GPR171: variants seen among roughly 807,000 people sequenced by gnomAD.
The protein encoded by GPR171 is F730001G15Rik.
GPR171 carries 14 observed loss-of-function variants against 16.7 expected under a neutral mutation model. The ratio of observed to expected loss-of-function variants is 0.84; its 90% CI spans 0.55 to 1.31. The LOEUF is 1.31. GPR171 is among the 40% of genes most tolerant of loss of function. The pLI is 0.00. For synonymous variants in GPR171, 134 were observed against 135.6 expected (o/e 0.99, Z 0.08); for missense variants, 337 against 378.9 (o/e 0.89, Z 0.92).
Position 151,198,983 on chromosome 3 carries a change from G to T in GPR171, c.404C>A (p.Ser135Ter). The change falls in exon 3 of 3, where the codon TCA (serine) becomes TAA (stop). Residue 135 changes from serine (S) to a stop codon, truncating the protein, a stop_gained. Transcript: ENST00000309180. LOFTEE classifies it high-confidence loss of function. ...IQEPGFAKMI[S>*]TVVWLMVLLI... ...AAGGACCATTAGCCACACAACGGTTGATATCATTTTGGCAAATCCGGGTTC... is the reference window on the plus strand; with the variant it reads ...AAGGACCATTAGCCACACAACGGTTTATATCATTTTGGCAAATCCGGGTTC... 6.2e-7 allele frequency: 1 copy of T among 1,613,940 alleles called. No homozygotes were observed. The highest frequency in any genetic ancestry group is 1.1e-5 in the South Asian group (1 of 91,072).
In GPR171 at chr3:151,198,571, G is replaced by T; in HGVS notation, c.816C>A (p.Leu272=). The change falls in exon 3 of 3, where the codon CTC becomes CTA. Residue 272 remains leucine (L), a synonymous_variant. Transcript: ENST00000309180. ...SLFKAKEATL[L]LAVSNLCFDP... ...CAAAGCACAGGTTCGACACAGCCAG[G>T]AGCAGTGTAGCCTCTTTGGCTTTGA... The T allele has an allele frequency of 6.2e-7, 1 of 1,613,882 alleles. No individual in the cohort carries two copies. Among genetic ancestry groups the T allele is most frequent in the Non-Finnish European group, 8.5e-7 (1 of 1,179,808 alleles).
At chr3:151,199,544 T>A in intron 2 of GPR171, 105 bp from the exon 3 acceptor site, 1 of 637,664 alleles carries the variant, frequency 1.6e-6, no homozygotes, top group African/African-American at 1.8e-5. Flanking sequence ...GTTCTTAGAA[T>A]TTTATTGGTG....
chr3:151,198,882 T>C lies in GPR171; in HGVS notation c.505A>G (p.Lys169Glu). ...TGCCAATTTCTTCCAAATTCCTTTT[T>C]AAACTCCATACAACCCACATTTGAC... ...EKSNVGCMEF[K>E]KEFGRNWHLL... Residue 169 changes from lysine (K) to glutamate (E), a missense_variant, in exon 3 of 3, where the codon AAA becomes GAA. Transcript: ENST00000309180. The C allele has an allele frequency of 6.2e-7, 1 of 1,614,176 alleles. No individual in the cohort carries two copies. The highest frequency in any genetic ancestry group is 1.1e-5 in the South Asian group (1 of 91,090).
In GPR171 at chr3:151,198,189, AT is replaced by A; in HGVS notation, c.*237del. The A allele has an allele frequency of 2.8e-6, 1 of 363,474 alleles. No homozygotes were observed. Among genetic ancestry groups the A allele is most frequent in the Admixed American group, 4.2e-5 (1 of 23,862 alleles). The allele number at this position is 363,474 out of a possible 1,614,324, so 22.5% of individuals were successfully genotyped here. ...TATTGCAGGATTTTACATTCGTTCAATGAGACTCTTTAGTTTTTTGTACAAA... is the reference window on the plus strand; with the variant it reads ...TATTGCAGGATTTTACATTCGTTCAAGAGACTCTTTAGTTTTTTGTACAAA... On this transcript the variant is annotated 3_prime_UTR_variant, in exon 3 of 3. Coordinates refer to ENST00000309180, the MANE Select transcript of GPR171 (RefSeq NM_013308.4).
At chr3:151,201,536 T>C (rs1181799139) in intron 1 of GPR171, among the ~76,000 whole-genome samples, 1 of 152,222 alleles carries the variant, frequency 6.6e-6, no homozygotes, top group Admixed American at 6.5e-5. Flanking sequence ...GGCACTGGTG[T>C]GTTCCTCAAG....
chr3:151,200,064 A>G (rs1183125995), intron 2 of GPR171, among the ~76,000 whole-genome samples: 2 of 152,206 alleles, frequency 1.3e-5, no homozygotes, highest in East Asian at 3.8e-4. Context: ...AGATTTATTT[A>G]TATTAGTATC....
At position 151,198,651 on chromosome 3, in the gene GPR171, A is replaced by G. The variant is rs965110168; in HGVS notation, c.736T>C (p.Tyr246His). Residue 246 changes from tyrosine to histidine, a missense_variant, in exon 3 of 3, where the codon TAT (tyrosine) becomes CAT (histidine). Transcript: ENST00000309180. ...FVPYHIVRIP[Y>H]TLSQTEVITD... is the part of the protein sequence containing the mutation. ...ATGACTTCTGTCTGGCTGAGGGTAT[A>G]CGGGATTCGGACAATGTGGTAAGGA... 1.2e-6 allele frequency: 2 copies of G among 1,614,114 alleles called. No homozygotes were observed. Among genetic ancestry groups the G allele is most frequent in the East Asian group, 2.2e-5 (1 of 44,878 alleles).
At chr3:151,202,594 C>T (rs907774572) in intron 1 of GPR171, among the ~76,000 whole-genome samples, 8 of 152,146 alleles carry the variant, frequency 5.3e-5, no homozygotes, top group East Asian at 1.9e-4. Context: ...TGTTTGAACC[C>T]GGGATGTGGA....
rs753441734 is a variant in GPR171, at chr3:151,199,395, A to G, written c.-9T>C. On this transcript the variant is annotated 5_prime_UTR_variant, in exon 3 of 3. Transcript: ENST00000309180. Reference sequence around the variant, plus strand: ...AACGAACTGTTTGTCATCTTGAGGGAAAGTAAGGATGACTGCTTATTGAAA... The same window carrying G: ...AACGAACTGTTTGTCATCTTGAGGGGAAGTAAGGATGACTGCTTATTGAAA... 1.9e-5 allele frequency: 30 copies of G among 1,593,394 alleles called. No homozygotes were observed. Among genetic ancestry groups the G allele is most frequent in the Non-Finnish European group, 2.5e-5 (29 of 1,171,872 alleles).
At chr3:151,202,936 A>G (rs1202006566) in intron 1 of GPR171, among the ~76,000 whole-genome samples, 168 bp downstream of exon 1, 1 of 152,204 alleles carries the variant, frequency 6.6e-6, no homozygotes, top group Non-Finnish European at 1.5e-5. Flanking sequence ...CAGATATAAG[A>G]AAATTATAGT....
chr3:151,199,342 C>T lies in GPR171; in HGVS notation c.45G>A (p.Glu15=). 6.2e-7 allele frequency: 1 copy of T among 1,613,056 alleles called. No individual in the cohort carries two copies. Among genetic ancestry groups the T allele is most frequent in the Non-Finnish European group, 8.5e-7 (1 of 1,179,424 alleles). ...SFFCPVYKDL[E]PFTYFFYLVF... ...CTAAATAAAAAAAATACGTGAATGG[C>T]TCCAGATCTTTATAAACTGGGCAGA... Residue 15 remains glutamate, a synonymous_variant, in exon 3 of 3, where the codon GAG becomes GAA. Transcript: ENST00000309180.
chr3:151,199,508 G>A, intron 2 of GPR171, 69 bp from the exon 3 acceptor site: 1 of 810,344 alleles, frequency 1.2e-6, no homozygotes, highest in Non-Finnish European at 1.9e-6. Context: ...AAAGACATTG[G>A]TCTTCACAAT....
rs1253215149 is a variant in GPR171, at chr3:151,198,710, A to G, written c.677T>C (p.Leu226Pro). Reference sequence around the variant, plus strand: ...TATGATGTAGCCCGTGGTCACTAAAAGTATGTTGATGAGAGCCTTTTTCAC... The same window carrying G: ...TATGATGTAGCCCGTGGTCACTAAAGGTATGTTGATGAGAGCCTTTTTCAC... ...PNVKKALINILLVTTGYIICF... is the reference protein window; with the variant it reads ...PNVKKALINIPLVTTGYIICF... Residue 226 changes from leucine (L) to proline (P), a missense_variant, in exon 3 of 3, where the codon CTT (leucine) becomes CCT (proline). Transcript: ENST00000309180. 2.5e-6 allele frequency: 4 copies of G among 1,613,918 alleles called. No individual in the cohort carries two copies. The highest frequency in any genetic ancestry group is 3.4e-6 in the Non-Finnish European group (4 of 1,179,890).
At chr3:151,202,270 A>C (rs1245729637) in intron 1 of GPR171, among the ~76,000 whole-genome samples, 2 of 152,258 alleles carry the variant, frequency 1.3e-5, no homozygotes, top group African/African-American at 4.8e-5. Context: ...ATTTTACCAG[A>C]CAGTTACTTA....
rs566034239 is a variant in GPR171 at position 151,198,616 on chromosome 3, G to A, written c.771C>T (p.Cys257=). ...TLSQTEVITD[C]STRISLFKAK... ...CTTTGAAGAGTGAAATCCTGGTTGA[G>A]CAATCAGTTATGACTTCTGTCTGGC... Residue 257 remains cysteine, a synonymous_variant, in exon 3 of 3, where the codon TGC becomes TGT. Transcript: ENST00000309180. 6.2e-7 allele frequency: 1 copy of A among 1,613,836 alleles called. No homozygotes were observed. The highest frequency in any genetic ancestry group is 1.7e-5 in the Admixed American group (1 of 60,016).
In GPR171 at chr3:151,198,952, T is replaced by A. The variant is rs1725101875; in HGVS notation, c.435A>T (p.Ile145=). The change falls in exon 3 of 3, where the codon ATA becomes ATT. Residue 145 remains isoleucine, a synonymous_variant. Transcript: ENST00000309180. ...TGGGAATCATCATATTTGGCACCAT[T>A]ATAAGAAGGACCATTAGCCACACAA... ...STVVWLMVLL[I]MVPNMMIPIK... The A allele has an allele frequency of 6.2e-7, 1 of 1,613,930 alleles. No homozygotes were observed. Among genetic ancestry groups the A allele is most frequent in the African/African-American group, 1.3e-5 (1 of 74,940 alleles).
chr3:151,198,928 G>C lies in GPR171; in HGVS notation c.459C>G (p.Pro153=), dbSNP rs778377744. 3 of 1,613,854 alleles carry C rather than the reference G, an allele frequency of 1.9e-6. No homozygotes were observed. In the Admixed American group the frequency reaches 5.0e-5, roughly 27 times the overall value. ...LLIMVPNMMI[P]IKDIKEKSNV... ...TTGACTTTTCCTTGATGTCTTTGAT[G>C]GGAATCATCATATTTGGCACCATTA... Residue 153 remains proline (P), a synonymous_variant, in exon 3 of 3, where the codon CCC becomes CCG. Transcript: ENST00000309180.
At chr3:151,202,275 T>A (rs1284471030) in intron 1 of GPR171, among the ~76,000 whole-genome samples, 1 of 152,268 alleles carries the variant, frequency 6.6e-6, no homozygotes, top group Non-Finnish European at 1.5e-5. Context: ...ACCAGACAGT[T>A]ACTTACCAGT....
In GPR171 at chr3:151,198,357, A is replaced by C; in HGVS notation, c.*70T>G. Reference sequence around the variant, plus strand: ...GTTTTTTTTTGTTTTTTTTTTTTTTATCTTTCAAAGCTATAATTAACTTTA... The same window carrying C: ...GTTTTTTTTTGTTTTTTTTTTTTTTCTCTTTCAAAGCTATAATTAACTTTA... On this transcript the variant is annotated 3_prime_UTR_variant, in exon 3 of 3. Coordinates refer to ENST00000309180, the MANE Select transcript of GPR171 (RefSeq NM_013308.4). The C allele has an allele frequency of 2.8e-6, 2 of 726,810 alleles. No individual in the cohort carries two copies. Among genetic ancestry groups the C allele is most frequent in the South Asian group, 4.7e-5 (1 of 21,348 alleles). 45.0% of individuals were successfully genotyped at this position (726,810 alleles called of 1,614,324 possible).
Sources: allele counts gnomAD v4.1 joint callset (sites outside exome capture counted in the v4.1 genomes callset), GRCh38; gene constraint gnomAD v4.1.1; transcripts MANE v1.5; gene names NCBI Gene and HGNC (gene_info 2026-07-23, HGNC 2026-07-21).